Variants in PPM1E observed in about 807,000 individuals in gnomAD.
The protein encoded by PPM1E is protein phosphatase 1E.
PPM1E carries 20 observed loss-of-function variants against 65.9 expected under a neutral mutation model. The ratio of observed to expected loss-of-function variants is 0.30; its 90% CI spans 0.21 to 0.44. PPM1E has a LOEUF of 0.44. Ranked by LOEUF, PPM1E falls within the 20% of genes least tolerant of loss-of-function variation. PPM1E has a pLI of 1.00. For synonymous variants in PPM1E, 352 were observed against 374.9 expected (o/e 0.94, Z 0.70); for missense variants, 713 against 953.1 (o/e 0.75, Z 3.32).
At chr17:58,930,253 ACAC>A (rs1441197993) in intron 1 of PPM1E, among the ~76,000 whole-genome samples, 3 of 135,548 alleles carry the variant, frequency 2.2e-5, no homozygotes, top group Non-Finnish European at 4.8e-5. Context: ...ATGTATATAC[ACAC>A]ACACACACAC....
chr17:58,859,405 T>C lies in PPM1E; in HGVS notation c.465-96244T>C, dbSNP rs1598614201. On this transcript the variant is annotated intron_variant, in intron 1 of 6. Coordinates refer to ENST00000308249, the MANE Select transcript of PPM1E (RefSeq NM_014906.5). ...AGCTTTAAGTTTAAATTATTTGCAT[T>C]TTCCCCTTTTTATCAAGATCGTTTG... 2.0e-5 allele frequency among the ~76,000 whole-genome samples: 3 copies of C among 152,346 alleles called. No homozygotes were observed. In the East Asian group the frequency reaches 5.8e-4, roughly 29 times the overall value.
intron 1 of PPM1E, among the ~76,000 whole-genome samples, chr17:58,953,001 C>T (rs1451513590): frequency 6.6e-6 from 1 of 152,060 alleles, no homozygotes; most frequent in African/African-American, 2.4e-5. Flanking sequence ...AATGACAGCT[C>T]CTTAACTATT....
At chr17:58,856,159 T>G (rs903496640) in intron 1 of PPM1E, among the ~76,000 whole-genome samples, 1 of 152,214 alleles carries the variant, frequency 6.6e-6, no homozygotes, top group Non-Finnish European at 1.5e-5. Flanking sequence ...TTGTGAAATT[T>G]TTTTTGTTTT....
chr17:58,807,527 GACTAT>G (rs1479836739), intron 1 of PPM1E, among the ~76,000 whole-genome samples: 1 of 152,138 alleles, frequency 6.6e-6, no homozygotes, highest in Non-Finnish European at 1.5e-5. Context: ...GCAACTCTGT[GACTAT>G]ACTAAACACC....
chr17:58,974,843 G>T (rs1051102616), intron 6 of PPM1E, among the ~76,000 whole-genome samples: 5 of 152,120 alleles, frequency 3.3e-5, no homozygotes. Flanking sequence ...CTGTGAAGTG[G>T]CCCAAATATG....
rs202216452 is a variant in PPM1E at position 58,830,292 on chromosome 17, G to A, written c.464+73831G>A. 3.0e-3 allele frequency among the ~76,000 whole-genome samples: 434 copies of A among 146,834 alleles called. 3 individuals carry two copies. The highest frequency in any genetic ancestry group is 0.014 in the Middle Eastern group (4 of 278). ...AGCTTTCACTGTTGTTGTTGTTGTT[G>A]TTATTATTATTATTATTATTATTAT... On this transcript the variant is annotated intron_variant, in intron 1 of 6. Transcript: ENST00000308249.
chr17:58,925,510 G>A (rs1254936993), intron 1 of PPM1E, among the ~76,000 whole-genome samples: 8 of 151,762 alleles, frequency 5.3e-5, no homozygotes, highest in Non-Finnish European at 1.2e-4. Context: ...CTGTGATCTC[G>A]GCTCACTGCA....
At chr17:58,820,351 G>A (rs372716483) in intron 1 of PPM1E, among the ~76,000 whole-genome samples, 2 of 152,132 alleles carry the variant, frequency 1.3e-5, no homozygotes, top group Admixed American at 6.5e-5. Flanking sequence ...GGCAAGGTAC[G>A]AAACCTCTCC....
chr17:58,898,928 T>C (rs1256391391), intron 1 of PPM1E, among the ~76,000 whole-genome samples: 1 of 151,322 alleles, frequency 6.6e-6, no homozygotes, highest in African/African-American at 2.4e-5. Context: ...AAACACTGCA[T>C]GTTCTCACTC....
chr17:58,890,245 A>G (rs917258221), intron 1 of PPM1E, among the ~76,000 whole-genome samples: 1 of 152,218 alleles, frequency 6.6e-6, no homozygotes, highest in African/African-American at 2.4e-5. Context: ...CCAAGAGTTA[A>G]GATTATTTAA....
intron 1 of PPM1E, among the ~76,000 whole-genome samples, chr17:58,953,234 C>T (rs1024702421): frequency 2.0e-5 from 3 of 152,074 alleles, no homozygotes; most frequent in Admixed American, 6.6e-5. Flanking sequence ...TAAAGGAATA[C>T]CTGAAGCTGG....
At chr17:58,823,728 T>G (rs527970188) in intron 1 of PPM1E, among the ~76,000 whole-genome samples, 2 of 152,106 alleles carry the variant, frequency 1.3e-5, no homozygotes, top group Non-Finnish European at 2.9e-5. Flanking sequence ...GAATTTAAAT[T>G]TATTTATTTA....
chr17:58,756,031 C>A lies in PPM1E; in HGVS notation c.34C>A (p.Arg12=), dbSNP rs1052426218. 1.3e-5 allele frequency: 21 copies of A among 1,614,024 alleles called. No homozygotes were observed. The highest frequency in any genetic ancestry group is 1.7e-5 in the Non-Finnish European group (20 of 1,179,922). ...AGCIPEEKTY[R]RFLELFLGEF... ...CTGCATCCCTGAGGAGAAAACTTAC[C>A]GGCGCTTCCTGGAGCTATTCCTGGG... The change falls in exon 1 of 7, where the codon CGG becomes AGG. Residue 12 remains arginine (R), a synonymous_variant. Transcript: ENST00000308249.
chr17:58,881,946 C>T (rs1369235445), intron 1 of PPM1E, among the ~76,000 whole-genome samples: 1 of 148,024 alleles, frequency 6.8e-6, no homozygotes, highest in African/African-American at 2.5e-5. Context: ...ATGACTTGAG[C>T]CCCAGGAGTT....
chr17:58,918,624 G>A (rs879865750), intron 1 of PPM1E, among the ~76,000 whole-genome samples: 2 of 151,746 alleles, frequency 1.3e-5, no homozygotes, highest in Admixed American at 6.6e-5. Context: ...TGGGCAACAC[G>A]GTGAAACCCC....
chr17:58,923,483 C>T (rs557247663), intron 1 of PPM1E, among the ~76,000 whole-genome samples: 1 of 151,714 alleles, frequency 6.6e-6, no homozygotes, highest in Non-Finnish European at 1.5e-5. Flanking sequence ...TAGTGGCTCA[C>T]GCCTGTAATC....
At chr17:58,806,857 G>A (rs1429563585) in intron 1 of PPM1E, among the ~76,000 whole-genome samples, 11 of 142,580 alleles carry the variant, frequency 7.7e-5, no homozygotes, top group South Asian at 7.1e-4. Flanking sequence ...GTGCCACCAC[G>A]CCCTGCTGTG....
At chr17:58,891,837 T>TC (rs1260892725) in intron 1 of PPM1E, among the ~76,000 whole-genome samples, 28 of 134,956 alleles carry the variant, frequency 2.1e-4, no homozygotes, top group African/African-American at 5.0e-4. Flanking sequence ...TTTTTCTTTT[T>TC]TTTTTTTTTT....
At chr17:58,774,858 CTT>C (rs35302248) in intron 1 of PPM1E, among the ~76,000 whole-genome samples, 24 of 146,100 alleles carry the variant, frequency 1.6e-4, no homozygotes, top group Non-Finnish European at 2.0e-4. Context: ...CTGGGTAGTT[CTT>C]TTTTTTTTTT....
Sources: allele counts gnomAD v4.1 joint callset (sites outside exome capture counted in the v4.1 genomes callset), GRCh38; gene constraint gnomAD v4.1.1; transcripts MANE v1.5; gene names NCBI Gene and HGNC (gene_info 2026-07-23, HGNC 2026-07-21).